Variants in ASTN1 observed in about 807,000 individuals in gnomAD.
The protein encoded by ASTN1 is astrotactin-1.
ASTN1 carries 41 observed loss-of-function variants against 140.7 expected under a neutral mutation model. The ratio of observed to expected loss-of-function variants is 0.29; its 90% CI spans 0.23 to 0.38. The LOEUF (loss-of-function observed/expected upper bound fraction) is 0.38, where lower values mean the gene tolerates loss of function less well. Ranked by LOEUF, ASTN1 falls within the 10% of genes least tolerant of loss-of-function variation. The pLI is 1.00. For synonymous variants in ASTN1, 640 were observed against 652.2 expected (o/e 0.98, Z 0.29); for missense variants, 1,479 against 1,678.8 (o/e 0.88, Z 2.08).
At chr1:176,928,612 G>T (rs1472140755) in intron 16 of ASTN1, among the ~76,000 whole-genome samples, 1 of 152,132 alleles carries the variant, frequency 6.6e-6, no homozygotes, top group Non-Finnish European at 1.5e-5. Flanking sequence ...TAGAATGGAG[G>T]GCAATTTAGA....
At chr1:177,052,359 G>T (rs1028995635) in intron 2 of ASTN1, among the ~76,000 whole-genome samples, 2 of 152,118 alleles carry the variant, frequency 1.3e-5, no homozygotes, top group Non-Finnish European at 2.9e-5. Flanking sequence ...TATAGGCCAG[G>T]CACTACGGGA....
chr1:177,089,030 C>A (rs1679611746), intron 1 of ASTN1, among the ~76,000 whole-genome samples: 1 of 152,298 alleles, frequency 6.6e-6, no homozygotes, highest in South Asian at 2.1e-4. Flanking sequence ...CAGCACACTC[C>A]TCCCCTTTAT....
At chr1:177,125,843 C>G (rs548452518) in intron 1 of ASTN1, among the ~76,000 whole-genome samples, 1 of 152,266 alleles carries the variant, frequency 6.6e-6, no homozygotes, top group Admixed American at 6.5e-5. Flanking sequence ...TTTCTGACAA[C>G]CTCTCTTCAA....
chr1:177,086,782 A>C (rs1679491137), intron 1 of ASTN1, among the ~76,000 whole-genome samples: 1 of 152,188 alleles, frequency 6.6e-6, no homozygotes, highest in Non-Finnish European at 1.5e-5. Flanking sequence ...TGATTTAAAA[A>C]TTCTTCTCTA....
intron 8 of ASTN1, among the ~76,000 whole-genome samples, chr1:177,002,507 T>C (rs1019523168): frequency 1.3e-5 from 2 of 152,154 alleles, no homozygotes; most frequent in Admixed American, 1.3e-4. Flanking sequence ...ATGAGCACTC[T>C]CTAGGGGATG....
intron 8 of ASTN1, among the ~76,000 whole-genome samples, chr1:177,010,932 G>T (rs557146723): frequency 6.6e-6 from 1 of 152,158 alleles, no homozygotes; most frequent in South Asian, 2.1e-4. Flanking sequence ...AATATGAAAG[G>T]TCCCAAAAAA....
intron 9 of ASTN1, among the ~76,000 whole-genome samples, chr1:176,962,730 C>T (rs754799693): frequency 8.5e-5 from 13 of 152,104 alleles, no homozygotes; most frequent in Admixed American, 2.0e-4. Flanking sequence ...ACACTCATGC[C>T]CTCGCCACAC....
chr1:176,895,684 G>A (rs969800658), intron 16 of ASTN1, among the ~76,000 whole-genome samples: 10 of 152,334 alleles, frequency 6.6e-5, no homozygotes, highest in Admixed American at 1.3e-4. Context: ...TACTTTTGGT[G>A]ACAAACATAG....
chr1:176,994,962 A>G (rs991661640), intron 8 of ASTN1, among the ~76,000 whole-genome samples: 1 of 152,200 alleles, frequency 6.6e-6, no homozygotes, highest in African/African-American at 2.4e-5. Context: ...ATTCTACTAC[A>G]GTAGTAGGTG....
At chr1:176,914,229 C>T (rs975440235) in intron 16 of ASTN1, among the ~76,000 whole-genome samples, 38 of 152,110 alleles carry the variant, frequency 2.5e-4, no homozygotes, top group African/African-American at 8.7e-4. Context: ...CTGTCTGACT[C>T]CAGGGTAGTC....
At chr1:176,893,770 G>C (rs539950584) in intron 17 of ASTN1, among the ~76,000 whole-genome samples, 2 of 152,288 alleles carry the variant, frequency 1.3e-5, no homozygotes, top group Admixed American at 1.3e-4. Flanking sequence ...GCGTCTCCTT[G>C]TTTTTACTTT....
chr1:176,887,353 T>C lies in ASTN1; in HGVS notation c.3074+718A>G, dbSNP rs1445861543. Among the ~76,000 whole-genome samples the C allele has an allele frequency of 2.0e-5, 3 of 152,206 alleles. No individual in the cohort carries two copies. In the East Asian group the frequency reaches 5.8e-4, roughly 29 times the overall value. On this transcript the variant is annotated intron_variant, in intron 18 of 22. Transcript: ENST00000361833. ...ACCTGCCTATCCTTTGATTCTTCTT[T>C]GCTCACTGGTGGCCTATTCATCTTC...
chr1:177,146,855 A>C (rs1363081715), intron 1 of ASTN1, among the ~76,000 whole-genome samples: 1 of 152,196 alleles, frequency 6.6e-6, no homozygotes, highest in Non-Finnish European at 1.5e-5. Context: ...GTTACAAGAC[A>C]AAAGTCAATA....
intron 16 of ASTN1, among the ~76,000 whole-genome samples, chr1:176,921,297 T>C (rs1670713623): frequency 1.3e-5 from 2 of 152,228 alleles, no homozygotes; most frequent in African/African-American, 4.8e-5. Flanking sequence ...GGAAACCTTG[T>C]CTCTGACAAC....
chr1:177,151,766 C>T (rs557106581), intron 1 of ASTN1, among the ~76,000 whole-genome samples: 9 of 152,158 alleles, frequency 5.9e-5, no homozygotes, highest in Non-Finnish European at 1.0e-4. Context: ...TGTGGACCCT[C>T]TTTTCAAGAA....
intron 8 of ASTN1, among the ~76,000 whole-genome samples, chr1:176,965,780 T>C (rs570562789): frequency 2.2e-3 from 338 of 152,350 alleles, no homozygotes; most frequent in Admixed American, 5.7e-3. Context: ...GCAGCTCATA[T>C]AGGATATTCA....
chr1:176,996,287 T>TCACACA (rs35261045), intron 8 of ASTN1, among the ~76,000 whole-genome samples: 23 of 138,026 alleles, frequency 1.7e-4, no homozygotes, highest in Admixed American at 3.6e-4. Flanking sequence ...TCTCTCTCTC[T>TCACACA]CTCACACACA....
intron 12 of ASTN1, 72 bp from the exon 13 acceptor site, chr1:176,946,192 A>G (rs536044300): frequency 6.7e-6 from 9 of 1,345,364 alleles, no homozygotes; most frequent in Non-Finnish European, 8.9e-6. Context: ...AACCCCGTAT[A>G]TTGGGAGGAA....
chr1:176,990,386 T>C (rs1470900331), intron 8 of ASTN1, among the ~76,000 whole-genome samples: 1 of 151,866 alleles, frequency 6.6e-6, no homozygotes, highest in Non-Finnish European at 1.5e-5. Context: ...ATCTTCTATT[T>C]TGGAAGAAGA....
Sources: allele counts gnomAD v4.1 joint callset (sites outside exome capture counted in the v4.1 genomes callset), GRCh38; gene constraint gnomAD v4.1.1; transcripts MANE v1.5; gene names NCBI Gene and HGNC (gene_info 2026-07-23, HGNC 2026-07-21).